Variants in TAPT1 observed in about 807,000 individuals in gnomAD.
TAPT1 encodes the protein transmembrane anterior posterior transformation protein 1 homolog.
A neutral mutation model predicts 65.6 loss-of-function variants in TAPT1; 28 were observed. That is an observed-to-expected ratio of 0.43 (90% CI 0.32 to 0.59). The LOEUF (loss-of-function observed/expected upper bound fraction) is 0.59, where lower values mean the gene tolerates loss of function less well. Ranked by LOEUF, TAPT1 falls within the 20% of genes least tolerant of loss-of-function variation. The pLI is 0.09. For missense variants in TAPT1, 563 were observed against 679.9 expected (o/e 0.83, Z 1.91); for synonymous variants, 278 against 245.2 (o/e 1.13, Z -1.25).
chr4:16,210,451 G>C (rs918826815), intron 2 of TAPT1, among the ~76,000 whole-genome samples: 6 of 152,092 alleles, frequency 3.9e-5, no homozygotes, highest in Admixed American at 2.0e-4. Flanking sequence ...ATGTAATCGG[G>C]GACAAGCAAC....
chr4:16,225,834 T>G, intron 1 of TAPT1: 2 of 975,278 alleles, frequency 2.1e-6, no homozygotes, highest in Non-Finnish European at 2.4e-6. Flanking sequence ...CAGGTTTCTA[T>G]GGCTCAAGTT....
chr4:16,166,826 T>C, intron 12 of TAPT1, 33 bp from the exon 13 acceptor site: 1 of 1,608,604 alleles, frequency 6.2e-7, no homozygotes. Context: ...CCACATCCGT[T>C]GGAATTCATC....
chr4:16,213,640 C>G (rs900627157), intron 2 of TAPT1, 128 bp downstream of exon 2: 2 of 803,340 alleles, frequency 2.5e-6, no homozygotes, highest in Admixed American at 7.8e-5. Flanking sequence ...AAGGAAATTT[C>G]TACTCCCCCA....
At chr4:16,188,178 T>G (rs1183299566) in intron 5 of TAPT1, 42 bp downstream of exon 5, 1 of 1,549,854 alleles carries the variant, frequency 6.5e-7, no homozygotes, top group East Asian at 2.3e-5. Context: ...AGGTAGACTA[T>G]GCATTAACTG....
chr4:16,178,589 C>T (rs1173134978), intron 8 of TAPT1, among the ~76,000 whole-genome samples: 1 of 152,142 alleles, frequency 6.6e-6, no homozygotes, highest in Non-Finnish European at 1.5e-5. Flanking sequence ...TATAATTACC[C>T]ACTTCCCCTT....
At chr4:16,205,335 C>T (rs1750276220) in intron 2 of TAPT1, among the ~76,000 whole-genome samples, 1 of 152,158 alleles carries the variant, frequency 6.6e-6, no homozygotes, top group South Asian at 2.1e-4. Context: ...ATACCACCTG[C>T]TAGTCGAGGA....
chr4:16,208,518 C>T (rs1456485578), intron 2 of TAPT1, among the ~76,000 whole-genome samples: 1 of 152,124 alleles, frequency 6.6e-6, no homozygotes. Context: ...AATGCCCACC[C>T]CATTTCTTTG....
In TAPT1 at chr4:16,171,534, T is replaced by A. The variant is rs376094585; in HGVS notation, c.1237-805A>T. ...TAATGTCAAGTTATCCAAAGTCTAT[T>A]AGGGTATCTTAAATAAACATCATAA... On this transcript the variant is annotated intron_variant, in intron 11 of 13. Coordinates refer to ENST00000405303, the MANE Select transcript of TAPT1 (RefSeq NM_153365.3). 7.9e-5 allele frequency among the ~76,000 whole-genome samples: 12 copies of A among 152,220 alleles called. No homozygotes were observed. In the South Asian group the frequency reaches 2.5e-3, roughly 32 times the overall value.
intron 8 of TAPT1, 65 bp downstream of exon 8, chr4:16,179,512 T>C (rs989232674): frequency 1.1e-5 from 11 of 978,430 alleles, no homozygotes; most frequent in African/African-American, 6.8e-5. Flanking sequence ...TTTTATTCCA[T>C]GTAAAAGAAT....
chr4:16,204,666 G>A (rs946363374), intron 2 of TAPT1, among the ~76,000 whole-genome samples: 2 of 152,244 alleles, frequency 1.3e-5, no homozygotes, highest in Non-Finnish European at 2.9e-5. Flanking sequence ...GCACTGGCCA[G>A]GTGCTGGGCT....
At chr4:16,190,671 T>A (rs563788021) in intron 4 of TAPT1, 2 of 154,916 alleles carry the variant, frequency 1.3e-5, no homozygotes, top group Admixed American at 6.5e-5. Flanking sequence ...ATTATATAAC[T>A]TAGGGTAGCT....
At chr4:16,226,063 GCAACC>G in intron 1 of TAPT1, 191 bp downstream of exon 1, 1 of 1,015,474 alleles carries the variant, frequency 9.8e-7, no homozygotes. Context: ...GGCTGCGCGC[GCAACC>G]CGCCCGAGGA....
intron 3 of TAPT1, among the ~76,000 whole-genome samples, chr4:16,193,661 T>C (rs1749518992): frequency 6.6e-6 from 1 of 152,142 alleles, no homozygotes; most frequent in African/African-American, 2.4e-5. Flanking sequence ...ATTCAAACAC[T>C]GAGAAGAGGA....
At chr4:16,177,818 GGT>G (rs1560157887) in intron 8 of TAPT1, among the ~76,000 whole-genome samples, 1 of 112,324 alleles carries the variant, frequency 8.9e-6, no homozygotes, top group Non-Finnish European at 1.8e-5. Flanking sequence ...GCACTTTGTT[GGT>G]TTTTTTTTTT....
intron 1 of TAPT1, among the ~76,000 whole-genome samples, chr4:16,218,549 T>G (rs949009243): frequency 6.6e-6 from 1 of 152,228 alleles, no homozygotes; most frequent in South Asian, 2.1e-4. Context: ...GCTGTCCTGG[T>G]ACCAGCTGTC....
At chr4:16,224,180 T>G (rs1217787671) in intron 1 of TAPT1, among the ~76,000 whole-genome samples, 1 of 152,164 alleles carries the variant, frequency 6.6e-6, no homozygotes, top group African/African-American at 2.4e-5. Flanking sequence ...TGACTCCAGG[T>G]GCTGCCACTC....
chr4:16,210,893 T>C (rs1480952931), intron 2 of TAPT1, among the ~76,000 whole-genome samples: 1 of 152,096 alleles, frequency 6.6e-6, no homozygotes, highest in Non-Finnish European at 1.5e-5. Flanking sequence ...ACTCCAAAAT[T>C]ATATACCCTT....
At chr4:16,195,841 T>G (rs2149697368) in intron 3 of TAPT1, among the ~76,000 whole-genome samples, 1 of 152,310 alleles carries the variant, frequency 6.6e-6, no homozygotes, top group African/African-American at 2.4e-5. Context: ...AAGTAACATC[T>G]AGTAGTGGAC....
At chr4:16,198,525 A>C (rs1340547864) in intron 3 of TAPT1, among the ~76,000 whole-genome samples, 1 of 151,832 alleles carries the variant, frequency 6.6e-6, no homozygotes, top group Non-Finnish European at 1.5e-5. Context: ...GAAGACAGTA[A>C]GTTTTTACAG....
Sources: gnomAD v4.1 joint callset for allele counts (sites outside exome capture counted in the v4.1 genomes callset) on GRCh38, gnomAD v4.1.1 for gene constraint, MANE v1.5 for transcripts, NCBI Gene and HGNC (gene_info 2026-07-23, HGNC 2026-07-21) for gene names.